Variants in KCNQ3 observed in about 807,000 individuals in gnomAD.
The protein encoded by KCNQ3 is potassium voltage-gated channel subfamily KQT member 3.
Under a neutral mutation model 92.5 loss-of-function variants are expected in KCNQ3, and 30 were observed. The ratio of observed to expected loss-of-function variants is 0.32; its 90% CI spans 0.24 to 0.44. The LOEUF is 0.44. KCNQ3 is among the 20% of genes least tolerant of loss of function. KCNQ3 has a pLI of 1.00. For missense variants in KCNQ3, 913 were observed against 1,140.3 expected, an observed-to-expected ratio of 0.80 and a Z score of 2.87; for synonymous variants, 450 against 468.8, an observed-to-expected ratio of 0.96 and a Z score of 0.52.
At chr8:132,198,473 T>C (rs144771218) in intron 1 of KCNQ3, among the ~76,000 whole-genome samples, 3 of 152,342 alleles carry the variant, frequency 2.0e-5, no homozygotes, top group African/African-American at 7.2e-5. Context: ...CGTGATGATA[T>C]TTGGCAGGTT....
intron 9 of KCNQ3, among the ~76,000 whole-genome samples, chr8:132,162,410 T>TTA (rs2130072090): frequency 6.6e-6 from 1 of 152,242 alleles, no homozygotes; most frequent in Non-Finnish European, 1.5e-5. Flanking sequence ...CTCCTGGTGC[T>TTA]TATGGGGTGT....
At chr8:132,411,665 C>T (rs1301834591) in intron 1 of KCNQ3, among the ~76,000 whole-genome samples, 3 of 152,158 alleles carry the variant, frequency 2.0e-5, no homozygotes, top group African/African-American at 7.2e-5. Flanking sequence ...CACACAAGGC[C>T]TCCTCCTGTC....
intron 1 of KCNQ3, among the ~76,000 whole-genome samples, chr8:132,259,325 G>A (rs1210247168): frequency 2.0e-5 from 3 of 151,882 alleles, no homozygotes; most frequent in African/African-American, 4.8e-5. Context: ...GATTTATCCC[G>A]GTAATGCAAA....
chr8:132,428,110 C>T (rs754952129), intron 1 of KCNQ3, among the ~76,000 whole-genome samples: 1 of 152,084 alleles, frequency 6.6e-6, no homozygotes, highest in Admixed American at 6.6e-5. Context: ...CTGTCTCTCT[C>T]GACTTCTCGG....
At chr8:132,315,358 G>A (rs1038924085) in intron 1 of KCNQ3, among the ~76,000 whole-genome samples, 1 of 151,916 alleles carries the variant, frequency 6.6e-6, no homozygotes, top group African/African-American at 2.4e-5. Flanking sequence ...GAAGAGGAGG[G>A]GAAAGTCTTG....
intron 6 of KCNQ3, among the ~76,000 whole-genome samples, chr8:132,173,292 C>A (rs771995875): frequency 6.6e-6 from 1 of 151,820 alleles, no homozygotes; most frequent in Non-Finnish European, 1.5e-5. Context: ...GGCCCTGACT[C>A]ATCAATGAGA....
intron 8 of KCNQ3, among the ~76,000 whole-genome samples, chr8:132,168,324 GT>G (rs1255363582): frequency 6.6e-6 from 1 of 152,218 alleles, no homozygotes. Context: ...ATCTACTGAT[GT>G]CATTCTCTGG....
At chr8:132,172,577 T>G (rs1408482242) in intron 7 of KCNQ3, 21 bp downstream of exon 7, 1 of 1,601,830 alleles carries the variant, frequency 6.2e-7, no homozygotes, top group African/African-American at 1.3e-5. Flanking sequence ...CCCATTCCAG[T>G]TCATTCCCAG....
intron 8 of KCNQ3, among the ~76,000 whole-genome samples, chr8:132,164,232 G>T (rs967941070): frequency 6.6e-6 from 1 of 151,810 alleles, no homozygotes; most frequent in South Asian, 2.1e-4. Flanking sequence ...CCTCCTAGGG[G>T]TTCTTATTCA....
chr8:132,440,540 C>T (rs150761037), intron 1 of KCNQ3, among the ~76,000 whole-genome samples: 101 of 152,290 alleles, frequency 6.6e-4, no homozygotes, highest in African/African-American at 2.3e-3. Context: ...TGTTGGTCAC[C>T]GCCCCATTGT....
chr8:132,387,737 A>C (rs1819925462), intron 1 of KCNQ3, among the ~76,000 whole-genome samples: 1 of 152,230 alleles, frequency 6.6e-6, no homozygotes, highest in Non-Finnish European at 1.5e-5. Context: ...CCAGTGGATC[A>C]GGCCTGCAAT....
chr8:132,239,983 T>C (rs1452158009), intron 1 of KCNQ3, among the ~76,000 whole-genome samples: 2 of 152,186 alleles, frequency 1.3e-5, no homozygotes, highest in Non-Finnish European at 2.9e-5. Flanking sequence ...AGTATTTAAA[T>C]ATTGATTCTG....
chr8:132,371,538 TG>T (rs1819473734), intron 1 of KCNQ3, among the ~76,000 whole-genome samples: 1 of 152,186 alleles, frequency 6.6e-6, no homozygotes, highest in Non-Finnish European at 1.5e-5. Context: ...ATACAACCTA[TG>T]GCTACCTTCA....
intron 1 of KCNQ3, among the ~76,000 whole-genome samples, chr8:132,217,441 T>G (rs572670054): frequency 1.1e-4 from 16 of 152,236 alleles, no homozygotes; most frequent in African/African-American, 3.9e-4. Flanking sequence ...CCGGACACGG[T>G]GGCTCACGCC....
chr8:132,313,861 G>A (rs555364893), intron 1 of KCNQ3, among the ~76,000 whole-genome samples: 149 of 152,226 alleles, frequency 9.8e-4, no homozygotes, highest in African/African-American at 3.1e-3. Flanking sequence ...TTACTGAATC[G>A]TCAACAGGCC....
At chr8:132,292,953 G>A (rs2050158033) in intron 1 of KCNQ3, among the ~76,000 whole-genome samples, 1 of 152,094 alleles carries the variant, frequency 6.6e-6, no homozygotes, top group African/African-American at 2.4e-5. Context: ...TGTAGATTAT[G>A]CGCTTTTTGT....
At chr8:132,185,910 C>T (rs1826941514) in intron 2 of KCNQ3, among the ~76,000 whole-genome samples, 181 bp downstream of exon 2, 1 of 152,192 alleles carries the variant, frequency 6.6e-6, no homozygotes, top group South Asian at 2.1e-4. Flanking sequence ...CATTCTTCAC[C>T]CCACATGTGC....
In KCNQ3 at chr8:132,126,314, T is replaced by C. The variant is rs1308340903; in HGVS notation, c.*2948A>G. ...GTTCCCTTGTCTGACAAAAGGATCTTTGTGAAAGCACACACTGTTTCTTCC... is the reference window on the plus strand; with the variant it reads ...GTTCCCTTGTCTGACAAAAGGATCTCTGTGAAAGCACACACTGTTTCTTCC... On this transcript the variant is annotated 3_prime_UTR_variant, in exon 15 of 15. Transcript: ENST00000388996. 1.3e-5 allele frequency: 2 copies of C among 152,152 alleles called. No homozygotes were observed. The highest frequency in any genetic ancestry group is 1.9e-4 in the East Asian group (1 of 5,174). 9.4% of individuals were successfully genotyped at this position (152,152 alleles called of 1,614,324 possible). A position where few individuals can be genotyped will look rare whatever the true frequency, so the allele number is the denominator to read the frequency against.
chr8:132,272,349 T>C (rs1274097696), intron 1 of KCNQ3, among the ~76,000 whole-genome samples: 2 of 152,138 alleles, frequency 1.3e-5, no homozygotes, highest in Non-Finnish European at 1.5e-5. Flanking sequence ...GAACTCACAA[T>C]TGGTTCATGG....
Sources: allele counts gnomAD v4.1 joint callset (sites outside exome capture counted in the v4.1 genomes callset), GRCh38; gene constraint gnomAD v4.1.1; transcripts MANE v1.5; gene names NCBI Gene and HGNC (gene_info 2026-07-23, HGNC 2026-07-21).